The following JADE3 variants were observed in gnomAD, a reference collection of about 807,000 sequenced individuals.
JADE3 encodes jade family PHD finger 3.
In JADE3, 2 loss-of-function variants were observed where a neutral mutation model predicts 50.1. That is an observed-to-expected ratio of 0.04 (90% CI 0.02 to 0.13). The LOEUF (loss-of-function observed/expected upper bound fraction) is 0.13, where lower values mean the gene tolerates loss of function less well. Among genes scored for constraint, JADE3 ranks in the 10% least tolerant of loss-of-function variants. The pLI is 1.00. For synonymous variants in JADE3, 218 were observed against 232.9 expected (o/e 0.94, Z 0.58); for missense variants, 475 against 634.4 (o/e 0.75, Z 2.70).
intron 1 of JADE3, among the ~76,000 whole-genome samples, chrX:46,978,242 A>G (rs1556352044): frequency 8.9e-6 from 1 of 112,050 alleles, no homozygotes; most frequent in Non-Finnish European, 1.9e-5. Flanking sequence ...CTCAGTGTTT[A>G]AAGAAAGTTT....
In JADE3 at chrX:47,025,515, A is replaced by G. The variant is rs1342707834; in HGVS notation, c.475+601A>G. Among the ~76,000 whole-genome samples, 3 of 112,602 alleles carry G rather than the reference A, an allele frequency of 2.7e-5. No individual in the cohort carries two copies. In the East Asian group the frequency reaches 8.3e-4, roughly 31 times the overall value. ...CTAGAGTTGTCATACAATATTCAAAAGATAAAATGAAACAAAAACAAGCAA... is the reference window on the plus strand; with the variant it reads ...CTAGAGTTGTCATACAATATTCAAAGGATAAAATGAAACAAAAACAAGCAA... On this transcript the variant is annotated intron_variant, in intron 5 of 10. Coordinates refer to ENST00000614628, the MANE Select transcript of JADE3 (RefSeq NM_014735.5).
intron 8 of JADE3, among the ~76,000 whole-genome samples, chrX:47,051,534 G>A (rs1308037956): frequency 1.8e-5 from 2 of 112,357 alleles, no homozygotes; most frequent in Non-Finnish European, 3.8e-5. Flanking sequence ...GCTCATGCCT[G>A]TAATCCCAGC....
chrX:46,987,282 G>A (rs949678764), intron 3 of JADE3, among the ~76,000 whole-genome samples: 10 of 112,327 alleles, frequency 8.9e-5, no homozygotes, highest in Admixed American at 2.8e-4. Flanking sequence ...CTTATTCAGC[G>A]CCAGCAAGGA....
rs782002595 is a variant in JADE3 at position 47,048,832 on chromosome X, TA to T, written c.973-5322del. Among the ~76,000 whole-genome samples the T allele has an allele frequency of 5.2e-3, 582 of 111,865 alleles. 2 individuals are homozygous for T. Among genetic ancestry groups the T allele is most frequent in the South Asian group, 0.025 (68 of 2,699 alleles). On this transcript the variant is annotated intron_variant, in intron 8 of 10. Coordinates refer to ENST00000614628, the MANE Select transcript of JADE3 (RefSeq NM_014735.5). ...TTAAACTGGTGAACTTTATGGTATA[TA>T]AAATATATCTTAATAAAGCTATTTC...
chrX:47,042,582 A>T (rs73484309), intron 8 of JADE3, among the ~76,000 whole-genome samples: 1,152 of 111,928 alleles, frequency 0.01, 16 homozygotes, highest in African/African-American at 0.036. Context: ...TACAATTTTG[A>T]TTATAAGGAA....
At chrX:47,018,336 T>G (rs1928718786) in intron 4 of JADE3, among the ~76,000 whole-genome samples, 1 of 110,185 alleles carries the variant, frequency 9.1e-6, no homozygotes, top group Non-Finnish European at 1.9e-5. Flanking sequence ...TACAGAGCAC[T>G]TTCTTTTTTT....
intron 8 of JADE3, among the ~76,000 whole-genome samples, chrX:47,045,084 T>C (rs191218467): frequency 1.8e-5 from 2 of 111,487 alleles, no homozygotes; most frequent in Non-Finnish European, 1.9e-5. Flanking sequence ...TCCTTACTTA[T>C]CAATAACATT....
chrX:46,970,967 G>GT (rs1927469695), intron 1 of JADE3, among the ~76,000 whole-genome samples: 1 of 110,796 alleles, frequency 9.0e-6, no homozygotes, highest in African/African-American at 3.3e-5. Context: ...GTATTTCATA[G>GT]TAAAAGCATC....
At chrX:46,959,426 C>T (rs1927207882) in intron 1 of JADE3, among the ~76,000 whole-genome samples, 1 of 111,837 alleles carries the variant, frequency 8.9e-6, no homozygotes, top group Non-Finnish European at 1.9e-5. Context: ...TGATGAGTGC[C>T]CAGTATGTAC....
intron 1 of JADE3, among the ~76,000 whole-genome samples, chrX:46,946,843 A>G (rs1455578408): frequency 9.0e-6 from 1 of 111,676 alleles, no homozygotes; most frequent in Non-Finnish European, 1.9e-5. Context: ...ATAAACATTT[A>G]TCAGCATATC....
Position 46,959,772 on chromosome X carries a change from C to G in JADE3, c.-11-25112C>G, listed in dbSNP as rs1268501247. On this transcript the variant is annotated intron_variant, in intron 1 of 10. Coordinates refer to ENST00000614628, the MANE Select transcript of JADE3 (RefSeq NM_014735.5). ...CATACTCCAGGCACTGAAAAGAATA[C>G]CGGATGTTGGGACCACAGAGACTGA... Among the ~76,000 whole-genome samples, 3 of 109,710 alleles carry G rather than the reference C, an allele frequency of 2.7e-5. No individual in the cohort carries two copies. The Admixed American group carries it at 2.9e-4, about 11-fold the overall frequency.
At chrX:46,999,108 G>A (rs1556358234) in intron 4 of JADE3, among the ~76,000 whole-genome samples, 2 of 111,145 alleles carry the variant, frequency 1.8e-5, no homozygotes, top group African/African-American at 6.6e-5. Context: ...TAACATGTGA[G>A]AAAAGAAGAA....
chrX:47,022,902 G>A (rs1285696317), intron 4 of JADE3, among the ~76,000 whole-genome samples: 3 of 111,064 alleles, frequency 2.7e-5, no homozygotes, highest in African/African-American at 9.8e-5. Context: ...TAGATTTATG[G>A]TTGCTATTGT....
chrX:46,974,824 A>C (rs1556351249), intron 1 of JADE3, among the ~76,000 whole-genome samples: 1 of 111,616 alleles, frequency 9.0e-6, no homozygotes, highest in African/African-American at 3.3e-5. Context: ...TCATTTCTAC[A>C]CTCTTCTTAA....
intron 1 of JADE3, among the ~76,000 whole-genome samples, chrX:46,969,639 C>G (rs1226682430): frequency 8.9e-6 from 1 of 112,182 alleles, no homozygotes; most frequent in Non-Finnish European, 1.9e-5. Flanking sequence ...GAGTTCAAGA[C>G]CAGCCTGGCC....
At chrX:46,934,544 C>T (rs1410398394) in intron 1 of JADE3, among the ~76,000 whole-genome samples, 4 of 110,843 alleles carry the variant, frequency 3.6e-5, no homozygotes, top group Non-Finnish European at 7.6e-5. Context: ...GTGATCTGCC[C>T]GCCTCGGCCT....
chrX:46,933,948 A>G (rs1159906868), intron 1 of JADE3, among the ~76,000 whole-genome samples: 1 of 110,763 alleles, frequency 9.0e-6, no homozygotes, highest in African/African-American at 3.3e-5. Flanking sequence ...TTGCCCAAGT[A>G]TTAGTTCAGA....
intron 1 of JADE3, among the ~76,000 whole-genome samples, chrX:46,938,914 G>A (rs940988383): frequency 1.8e-5 from 2 of 112,129 alleles, no homozygotes; most frequent in African/African-American, 6.5e-5. Context: ...TGCAACCTCC[G>A]CCTCCCTGGT....
chrX:46,981,602 A>G (rs1927755371), intron 1 of JADE3, among the ~76,000 whole-genome samples: 1 of 111,899 alleles, frequency 8.9e-6, no homozygotes, highest in African/African-American at 3.2e-5. Context: ...TCTTTTTTAA[A>G]AATATTCAAT....
Sources: allele counts gnomAD v4.1 joint callset (sites outside exome capture counted in the v4.1 genomes callset), GRCh38; gene constraint gnomAD v4.1.1; transcripts MANE v1.5; gene names NCBI Gene and HGNC (gene_info 2026-07-23, HGNC 2026-07-21).